The following MITF variants were observed in gnomAD, a reference collection of about 807,000 sequenced individuals.
The protein encoded by MITF is microphthalmia-associated transcription factor.
MITF carries 17 observed loss-of-function variants against 60.5 expected under a neutral mutation model. The ratio of observed to expected loss-of-function variants is 0.28; its 90% confidence interval spans 0.19 to 0.42. MITF has a LOEUF of 0.42. Among genes scored for constraint, MITF ranks in the 10% least tolerant of loss-of-function variants. MITF has a pLI of 1.00. For synonymous variants in MITF, 260 were observed against 248.5 expected, an observed-to-expected ratio of 1.05 and a Z score of -0.43; for missense variants, 622 against 683.5, an observed-to-expected ratio of 0.91 and a Z score of 1.00.
intron 1 of MITF, among the ~76,000 whole-genome samples, chr3:69,807,665 A>G (rs7645126): frequency 0.5 from 76,710 of 152,114 alleles, 20,977 homozygotes; most frequent in Non-Finnish European, 0.63. Context: ...TTGAACTTCT[A>G]TGGTGGATAA....
intron 1 of MITF, among the ~76,000 whole-genome samples, chr3:69,792,998 CTTTTTTTTTTTTTTTTTT>C (rs58440406): frequency 9.0e-4 from 28 of 31,102 alleles, no homozygotes; most frequent in Admixed American, 2.0e-3. Flanking sequence ...AAGTCTTTAG[CTTTTTTTTTTTTTTTTTT>C]TTTTTTTTTT....
chr3:69,767,613 AC>A (rs745508002), intron 1 of MITF, among the ~76,000 whole-genome samples: 2 of 152,104 alleles, frequency 1.3e-5, no homozygotes, highest in African/African-American at 2.4e-5. Context: ...CAACAAAAAA[AC>A]AAAAATAAAA....
At chr3:69,957,450 T>G (rs532870551) in intron 8 of MITF, among the ~76,000 whole-genome samples, 1 of 152,290 alleles carries the variant, frequency 6.6e-6, no homozygotes, top group East Asian at 1.9e-4. Context: ...CCATTACCTA[T>G]TGTGAGGTGG....
chr3:69,900,886 A>G lies in MITF; in HGVS notation c.354+21503A>G, dbSNP rs552798980. Among the ~76,000 whole-genome samples, 6 of 152,326 alleles carry G rather than the reference A, an allele frequency of 3.9e-5. No homozygotes were observed. In the South Asian group the frequency reaches 8.3e-4, roughly 21 times the overall value. On this transcript the variant is annotated intron_variant, in intron 2 of 9. Transcript: ENST00000352241. ...CTTGCATTTGTTAACTATTAAAATCAGAAGAATTTACCTGGAAAAGTAATA... is the reference window on the plus strand; with the variant it reads ...CTTGCATTTGTTAACTATTAAAATCGGAAGAATTTACCTGGAAAAGTAATA...
At chr3:69,818,241 C>G (rs776670140) in intron 1 of MITF, among the ~76,000 whole-genome samples, 4 of 152,210 alleles carry the variant, frequency 2.6e-5, no homozygotes, top group South Asian at 2.1e-4. Context: ...CCTGCTTCCC[C>G]TTTTCCCCTG....
At chr3:69,935,836 TAATG>T (rs1311547848) in intron 2 of MITF, among the ~76,000 whole-genome samples, 1 of 152,238 alleles carries the variant, frequency 6.6e-6, no homozygotes, top group Admixed American at 6.5e-5. Flanking sequence ...TAACAGTCAA[TAATG>T]AATGAATAAA....
chr3:69,789,577 G>T (rs951043182), intron 1 of MITF, among the ~76,000 whole-genome samples: 5 of 152,082 alleles, frequency 3.3e-5, no homozygotes, highest in Non-Finnish European at 7.4e-5. Context: ...GAGCATAGAG[G>T]TTCATAAAAA....
chr3:69,868,401 T>A (rs1177925971), intron 1 of MITF, among the ~76,000 whole-genome samples: 1 of 152,164 alleles, frequency 6.6e-6, no homozygotes, highest in Non-Finnish European at 1.5e-5. Context: ...CTATTATCTG[T>A]TGTGGTCTGT....
Position 69,880,791 on chromosome 3 carries a change from G to C in MITF, c.354+1408G>C, listed in dbSNP as rs1376600899. On this transcript the variant is annotated intron_variant, in intron 2 of 9. Transcript: ENST00000352241. Reference sequence around the variant, plus strand: ...TATTTAAAATTGTATGAATTAAATAGTAACAAGATGTGGAGAAATATGTCT... The same window carrying C: ...TATTTAAAATTGTATGAATTAAATACTAACAAGATGTGGAGAAATATGTCT... 3.9e-5 allele frequency among the ~76,000 whole-genome samples: 6 copies of C among 152,148 alleles called. No homozygotes were observed. In the East Asian group the frequency reaches 9.6e-4, roughly 24 times the overall value.
chr3:69,886,724 G>A (rs1429398317), intron 2 of MITF, among the ~76,000 whole-genome samples: 1 of 151,920 alleles, frequency 6.6e-6, no homozygotes, highest in African/African-American at 2.4e-5. Context: ...GAAAGAACTG[G>A]ATGTGTTTTT....
At position 69,775,568 on chromosome 3, in the gene MITF, A is replaced by C. The variant is rs75818454; in HGVS notation, c.104+35867A>C. ...TATAGGCTTGACACGAGGGGCTGTGATTTGTCAATTTATTTTACAATATTT... is the reference window on the plus strand; with the variant it reads ...TATAGGCTTGACACGAGGGGCTGTGCTTTGTCAATTTATTTTACAATATTT... On this transcript the variant is annotated intron_variant, in intron 1 of 9. Transcript: ENST00000352241. Among the ~76,000 whole-genome samples, 209 of 152,322 alleles carry C rather than the reference A, an allele frequency of 1.4e-3. 6 individuals are homozygous for C. In the East Asian group the frequency reaches 0.04, roughly 29 times the overall value.
chr3:69,792,301 G>A (rs1020841888), intron 1 of MITF, among the ~76,000 whole-genome samples: 1 of 152,014 alleles, frequency 6.6e-6, no homozygotes, highest in Non-Finnish European at 1.5e-5. Context: ...CCATTAAATT[G>A]GTCAACAGCA....
chr3:69,875,854 A>G (rs2064341735), intron 1 of MITF, among the ~76,000 whole-genome samples: 1 of 152,244 alleles, frequency 6.6e-6, no homozygotes, highest in Non-Finnish European at 1.5e-5. Flanking sequence ...TCTGGGAGTC[A>G]TCTTTCACAA....
intron 2 of MITF, among the ~76,000 whole-genome samples, chr3:69,904,027 G>GTATTATT (rs1439331144): frequency 6.6e-6 from 1 of 152,086 alleles, no homozygotes; most frequent in Non-Finnish European, 1.5e-5. Context: ...TCAGTGGCTG[G>GTATTATT]TATTATTACT....
chr3:69,958,061 A>G (rs933385488), intron 8 of MITF, among the ~76,000 whole-genome samples: 1 of 152,202 alleles, frequency 6.6e-6, no homozygotes, highest in Non-Finnish European at 1.5e-5. Flanking sequence ...AAACAAAAAA[A>G]AAGTTTGAAA....
chr3:69,756,952 A>T lies in MITF; in HGVS notation c.104+17251A>T, dbSNP rs201479466. 2.6e-4 allele frequency among the ~76,000 whole-genome samples: 40 copies of T among 152,186 alleles called. No homozygotes were observed. In the East Asian group the frequency reaches 7.5e-3, roughly 29 times the overall value. On this transcript the variant is annotated intron_variant, in intron 1 of 9. Transcript: ENST00000352241. ...GTCTTCTTTTGAGAAGTGTCTGTTGATATCCTTTGCCCACTTTTTGGTGGG... is the reference window on the plus strand; with the variant it reads ...GTCTTCTTTTGAGAAGTGTCTGTTGTTATCCTTTGCCCACTTTTTGGTGGG...
intron 2 of MITF, among the ~76,000 whole-genome samples, chr3:69,914,403 T>C (rs575223840): frequency 6.6e-6 from 1 of 152,192 alleles, no homozygotes; most frequent in Non-Finnish European, 1.5e-5. Context: ...ATTACAGGCA[T>C]GAGCCACCAC....
chr3:69,827,294 C>G (rs2063371488), intron 1 of MITF, among the ~76,000 whole-genome samples: 1 of 152,154 alleles, frequency 6.6e-6, no homozygotes, highest in South Asian at 2.1e-4. Flanking sequence ...TGAGACAAAG[C>G]CACTGTATCA....
intron 1 of MITF, among the ~76,000 whole-genome samples, chr3:69,811,959 T>C (rs148327366): frequency 2.4e-3 from 372 of 152,316 alleles, no homozygotes; most frequent in Non-Finnish European, 3.1e-3. Context: ...CCCACCTGTA[T>C]TTAATTCTGT....
Sources: allele counts gnomAD v4.1 joint callset (sites outside exome capture counted in the v4.1 genomes callset), GRCh38; gene constraint gnomAD v4.1.1; transcripts MANE v1.5; gene names NCBI Gene and HGNC (gene_info 2026-07-23, HGNC 2026-07-21).